FRYL: variants seen among roughly 807,000 people sequenced by gnomAD.
FRYL encodes the protein protein furry homolog-like.
A neutral mutation model predicts 351.2 loss-of-function variants in FRYL; 150 were observed. The ratio of observed to expected loss-of-function variants is 0.43; its 90% CI spans 0.37 to 0.49. The LOEUF (loss-of-function observed/expected upper bound fraction) is 0.49. FRYL is among the 20% of genes least tolerant of loss of function. FRYL has a pLI of 0.00. For synonymous variants in FRYL, 1,153 were observed against 1,257.1 expected, an observed-to-expected ratio of 0.92 and a Z score of 1.75; for missense variants, 3,036 against 3,619.3, an observed-to-expected ratio of 0.84 and a Z score of 4.13.
At chr4:48,759,731 T>A (rs1403733226) in intron 1 of FRYL, among the ~76,000 whole-genome samples, 2 of 152,142 alleles carry the variant, frequency 1.3e-5, no homozygotes, top group East Asian at 3.9e-4. Context: ...ATTCCAGGTG[T>A]GAGCAACCTG....
At chr4:48,514,581 G>A (rs1047998376) in intron 56 of FRYL, among the ~76,000 whole-genome samples, 2 of 152,098 alleles carry the variant, frequency 1.3e-5, no homozygotes, top group Admixed American at 1.3e-4. Context: ...TAATTGCTTC[G>A]CCTATTATAG....
intron 1 of FRYL, among the ~76,000 whole-genome samples, chr4:48,767,838 G>T (rs1401643489): frequency 2.0e-5 from 3 of 152,184 alleles, no homozygotes; most frequent in Non-Finnish European, 2.9e-5. Flanking sequence ...CTGGATTGCA[G>T]CTACGGGTCC....
intron 25 of FRYL, 24 bp downstream of exon 25, chr4:48,575,093 G>A: frequency 1.9e-6 from 3 of 1,610,786 alleles, no homozygotes; most frequent in Non-Finnish European, 2.5e-6. Context: ...TTAGGACATA[G>A]AAAAAATGTA....
chr4:48,668,322 A>C (rs1762087442), intron 3 of FRYL, among the ~76,000 whole-genome samples: 1 of 151,790 alleles, frequency 6.6e-6, no homozygotes, highest in South Asian at 2.1e-4. Flanking sequence ...TTTGAAACTA[A>C]GGCTGGAGAT....
intron 1 of FRYL, among the ~76,000 whole-genome samples, chr4:48,762,331 A>AT (rs1774505114): frequency 6.6e-6 from 1 of 152,208 alleles, no homozygotes; most frequent in Admixed American, 6.5e-5. Context: ...CCCATCAACC[A>AT]TATGTGAATG....
chr4:48,581,042 C>A, intron 21 of FRYL, 91 bp from the exon 22 acceptor site: 6 of 657,072 alleles, frequency 9.1e-6, no homozygotes, highest in Non-Finnish European at 1.5e-5. Flanking sequence ...CACTTCAGCA[C>A]TATTTTTTTT....
intron 3 of FRYL, among the ~76,000 whole-genome samples, chr4:48,641,165 C>G (rs1478304926): frequency 1.3e-5 from 2 of 152,042 alleles, no homozygotes; most frequent in African/African-American, 2.4e-5. Context: ...TTGAAAGCAA[C>G]TAATGTGAAG....
chr4:48,573,341 T>C, intron 25 of FRYL, 98 bp from the exon 26 acceptor site: 2 of 768,178 alleles, frequency 2.6e-6, no homozygotes, highest in Non-Finnish European at 4.4e-6. Context: ...CAAGTGTTAA[T>C]TCCAATCCTA....
At chr4:48,550,382 C>G (rs1307799179) in intron 38 of FRYL, 1 of 530,832 alleles carries the variant, frequency 1.9e-6, no homozygotes, top group African/African-American at 1.9e-5. Context: ...TGTGATTTAT[C>G]TATAGGAAAC....
intron 9 of FRYL, among the ~76,000 whole-genome samples, 156 bp downstream of exon 9, chr4:48,608,831 C>T (rs976518158): frequency 1.3e-5 from 2 of 152,270 alleles, no homozygotes; most frequent in East Asian, 3.9e-4. Flanking sequence ...TGTTAAAGAG[C>T]TTCTGAGAAA....
intron 1 of FRYL, among the ~76,000 whole-genome samples, chr4:48,712,601 C>T (rs1768222438): frequency 6.6e-6 from 1 of 152,124 alleles, no homozygotes; most frequent in South Asian, 2.1e-4. Flanking sequence ...ATTGGTGTAC[C>T]TGAAAGTGAT....
At chr4:48,750,442 CAA>C (rs1215717222) in intron 1 of FRYL, among the ~76,000 whole-genome samples, 5 of 151,756 alleles carry the variant, frequency 3.3e-5, no homozygotes, top group African/African-American at 1.2e-4. Flanking sequence ...GCCTGGGTGA[CAA>C]AGTCAGATCC....
rs184028650 is a variant in FRYL at position 48,602,754 on chromosome 4, G to A, written c.933+536C>T. ...CCTTCAATCTCTGACTAGAAAAGAC[G>A]TAATTAGACAGAAAACAGCTGCTAA... On this transcript the variant is annotated intron_variant, in intron 12 of 63. Transcript: ENST00000358350. Among the ~76,000 whole-genome samples, 654 of 152,250 alleles carry A rather than the reference G, an allele frequency of 4.3e-3. 2 individuals carry two copies. The highest frequency in any genetic ancestry group is 6.0e-3 in the Non-Finnish European group (410 of 67,996).
chr4:48,682,066 G>A (rs1578709033), intron 3 of FRYL, among the ~76,000 whole-genome samples: 1 of 152,112 alleles, frequency 6.6e-6, no homozygotes, highest in Non-Finnish European at 1.5e-5. Flanking sequence ...AAACACAAAG[G>A]TAACAGGGTA....
chr4:48,565,305 G>A (rs1211657937), intron 29 of FRYL, among the ~76,000 whole-genome samples: 2 of 152,068 alleles, frequency 1.3e-5, no homozygotes, highest in Admixed American at 6.5e-5. Flanking sequence ...TTTCTTTCAA[G>A]TAATCCTAAG....
intron 3 of FRYL, among the ~76,000 whole-genome samples, chr4:48,657,508 G>A (rs911618736): frequency 5.3e-5 from 8 of 151,900 alleles, no homozygotes; most frequent in African/African-American, 1.9e-4. Context: ...CTAAGTCACG[G>A]CCACCGCCTA....
chr4:48,603,235 T>A, intron 12 of FRYL, 55 bp downstream of exon 12: 1 of 1,165,092 alleles, frequency 8.6e-7, no homozygotes, highest in Non-Finnish European at 1.3e-6. Context: ...AATTCATAAA[T>A]CAATTACTAA....
In FRYL at chr4:48,759,182, T is replaced by TAACA. The variant is rs765091840; in HGVS notation, c.-384+20892_-384+20895dup. The stretch of plus-strand genomic sequence containing the variant: ...CCAACATGGCACATGTATACATATG[T>TAACA]AACAAACCCGCGTATTGTGCACATG... On this transcript the variant is annotated intron_variant, in intron 1 of 63. Coordinates refer to ENST00000358350, the MANE Select transcript of FRYL (RefSeq NM_015030.2). Among the ~76,000 whole-genome samples the TAACA allele has an allele frequency of 2.0e-5, 3 of 152,102 alleles. 1 individual carries two copies. In the East Asian group the frequency reaches 5.8e-4, roughly 29 times the overall value.
At chr4:48,776,838 G>A (rs1254443402) in intron 1 of FRYL, among the ~76,000 whole-genome samples, 1 of 152,138 alleles carries the variant, frequency 6.6e-6, no homozygotes, top group Non-Finnish European at 1.5e-5. Flanking sequence ...ATTAAAAAAT[G>A]TATTTAAAAA....
Sources: allele counts gnomAD v4.1 joint callset (sites outside exome capture counted in the v4.1 genomes callset), GRCh38; gene constraint gnomAD v4.1.1; transcripts MANE v1.5; gene names NCBI Gene and HGNC (gene_info 2026-07-23, HGNC 2026-07-21).